The following CLDN11 variants were observed in gnomAD, a reference collection of about 807,000 sequenced individuals.
The protein encoded by CLDN11 is claudin-11.
CLDN11 carries 1 observed loss-of-function variant against 18.0 expected under a neutral mutation model. That is an observed-to-expected ratio of 0.06 (90% CI 0.02 to 0.26). The LOEUF (loss-of-function observed/expected upper bound fraction) is 0.26, where lower values mean the gene tolerates loss of function less well. CLDN11 is among the 10% of genes least tolerant of loss of function. The pLI, the probability that CLDN11 is intolerant of heterozygous loss-of-function variation, is 1.00. For synonymous variants in CLDN11, 116 were observed against 121.5 expected, an observed-to-expected ratio of 0.96 and a Z score of 0.30; for missense variants, 172 against 276.6, an observed-to-expected ratio of 0.62 and a Z score of 2.68.
chr3:170,425,072 G>A (rs945345114), intron 2 of CLDN11, among the ~76,000 whole-genome samples: 3 of 152,134 alleles, frequency 2.0e-5, no homozygotes, highest in Admixed American at 2.0e-4. Context: ...ATCAGCATCC[G>A]GTGCTTTATC....
chr3:170,427,238 AT>A (rs1168406934), intron 2 of CLDN11, among the ~76,000 whole-genome samples: 3 of 152,162 alleles, frequency 2.0e-5, no homozygotes, highest in Non-Finnish European at 2.9e-5. Context: ...ATCAAGAAAG[AT>A]TTTTTTCGCT....
intron 2 of CLDN11, among the ~76,000 whole-genome samples, chr3:170,431,557 T>C (rs1739003527): frequency 6.6e-6 from 1 of 152,214 alleles, no homozygotes; most frequent in Non-Finnish European, 1.5e-5. Flanking sequence ...TGGTCCCACA[T>C]AACTTGTGGC....
rs930040558 is a variant in CLDN11 at position 170,434,464 on chromosome 3, G to A, written c.*1708G>A. Among the ~76,000 whole-genome samples the A allele has an allele frequency of 1.3e-5, 2 of 152,172 alleles. No homozygotes were observed. The highest frequency in any genetic ancestry group is 2.4e-5 in the African/African-American group (1 of 41,450). ...GGCTAGGTATAAAAAGAGAATTAACGAAACCTATTTTATTGGATCTTTAAG... is the reference window on the plus strand; with the variant it reads ...GGCTAGGTATAAAAAGAGAATTAACAAAACCTATTTTATTGGATCTTTAAG... On this transcript the variant is annotated 3_prime_UTR_variant, in exon 3 of 3. Coordinates refer to ENST00000064724, the MANE Select transcript of CLDN11 (RefSeq NM_005602.6).
In CLDN11 at chr3:170,432,753, A is replaced by G. The variant is rs1403330856; in HGVS notation, c.621A>G (p.Val207=). The G allele has an allele frequency of 6.2e-7, 1 of 1,614,180 alleles. No individual in the cohort carries two copies. The highest frequency in any genetic ancestry group is 1.3e-5 in the African/African-American group (1 of 75,056). Residue 207 remains valine (V), a synonymous_variant, in exon 3 of 3, where the codon GTA becomes GTG. Coordinates refer to ENST00000064724, the MANE Select transcript of CLDN11 (RefSeq NM_005602.6). ...SSPTHAKSAH[V] ...CGACTCATGCGAAGAGTGCCCACGT[A>G]TAAGAGGGCTGCCCGGCTGCCCACA...
At chr3:170,427,160 T>A (rs991839429) in intron 2 of CLDN11, among the ~76,000 whole-genome samples, 4 of 152,324 alleles carry the variant, frequency 2.6e-5, no homozygotes, top group Non-Finnish European at 4.4e-5. Flanking sequence ...CTGTAATATA[T>A]GCTTCATCTT....
chr3:170,426,755 A>G (rs1560234769), intron 2 of CLDN11, among the ~76,000 whole-genome samples: 1 of 152,178 alleles, frequency 6.6e-6, no homozygotes, highest in Non-Finnish European at 1.5e-5. Flanking sequence ...GCAGCTGGGT[A>G]TTCTTCCAAT....
chr3:170,433,512 G>A lies in CLDN11; in HGVS notation c.*756G>A, dbSNP rs1739064262. 6.6e-6 allele frequency: 1 copy of A among 152,356 alleles called. No individual in the cohort carries two copies. Among genetic ancestry groups the A allele is most frequent in the African/African-American group, 2.4e-5 (1 of 41,384 alleles). 9.4% of individuals were successfully genotyped at this position (152,356 alleles called of 1,614,324 possible). On this transcript the variant is annotated 3_prime_UTR_variant, in exon 3 of 3. Coordinates refer to ENST00000064724, the MANE Select transcript of CLDN11 (RefSeq NM_005602.6). ...ATGGCTTTTGTTTCTTCCCTTCAAG[G>A]TCATTTACTTGTACGAGACAGAAAA... is the stretch of plus-strand genomic sequence containing the variant.
Position 170,434,078 on chromosome 3 carries a change from A to C in CLDN11, c.*1322A>C, listed in dbSNP as rs1739076015. On this transcript the variant is annotated 3_prime_UTR_variant, in exon 3 of 3. Transcript: ENST00000064724. The stretch of plus-strand genomic sequence containing the variant: ...TTCTTGAAGTGAAATCTGTGCAATA[A>C]AATAACAGACTGTCTGCAAAACTGG... The C allele has an allele frequency of 6.6e-6, 1 of 152,634 alleles. No homozygotes were observed. The highest frequency in any genetic ancestry group is 1.5e-5 in the Non-Finnish European group (1 of 68,038). The allele number at this position is 152,634 out of a possible 1,614,324, so 9.5% of individuals were successfully genotyped here.
At position 170,432,801 on chromosome 3, in the gene CLDN11, C is replaced by T. The variant is rs1470201232; in HGVS notation, c.*45C>T. 1.9e-6 allele frequency: 3 copies of T among 1,577,708 alleles called. No homozygotes were observed. In the East Asian group the frequency reaches 6.7e-5, roughly 35 times the overall value. ...ACAGAGGTGCTGTAGATGCTGGGCC[C>T]AGGGCCCTAGGTTTGCTCGTCACAG... On this transcript the variant is annotated 3_prime_UTR_variant, in exon 3 of 3. Transcript: ENST00000064724.
intron 2 of CLDN11, among the ~76,000 whole-genome samples, chr3:170,424,167 A>G (rs567088087): frequency 2.6e-5 from 4 of 152,230 alleles, no homozygotes; most frequent in Non-Finnish European, 5.9e-5. Flanking sequence ...TTCCTTGAGC[A>G]TGTGGGCCAG....
In CLDN11 at chr3:170,432,586, G is replaced by A. The variant is rs377105856; in HGVS notation, c.454G>A (p.Val152Met). 5 of 1,614,148 alleles carry A rather than the reference G, an allele frequency of 3.1e-6. No homozygotes were observed. The highest frequency in any genetic ancestry group is 1.6e-4 in the Middle Eastern group (1 of 6,062). ...GTGCGCCCACCGTGAGACCACCATC[G>A]TGAGCTTTGGCTACTCCCTGTATGC... ...PVCAHRETTI[V>M]SFGYSLYAGW... Residue 152 changes from valine to methionine, a missense_variant, in exon 3 of 3, where the codon GTG (valine) becomes ATG (methionine). Physicochemically the swap from Val to Met is conservative, Grantham distance 21. Transcript: ENST00000064724.
chr3:170,424,039 GA>G (rs1560234112), intron 2 of CLDN11, among the ~76,000 whole-genome samples: 1 of 88,682 alleles, frequency 1.1e-5, no homozygotes, highest in Non-Finnish European at 2.2e-5. Context: ...AAAAAAAAAA[GA>G]AAAAGAAAAA....
rs370405833 is a variant in CLDN11 at position 170,419,282 on chromosome 3, C to T, written c.216C>T (p.Leu72=). 6.4e-7 allele frequency: 1 copy of T among 1,558,798 alleles called. No homozygotes were observed. The highest frequency in any genetic ancestry group is 8.7e-7 in the Non-Finnish European group (1 of 1,150,008). ...ACTGCAAGCCCCTGGTGGACATCCT[C>T]ATCCTGCCGGGTAAGGACCCGAGCT... ...LYHCKPLVDI[L]ILPGYVQACR... Residue 72 remains leucine, a synonymous_variant, in exon 1 of 3, where the codon CTC becomes CTT. Coordinates refer to ENST00000064724, the MANE Select transcript of CLDN11 (RefSeq NM_005602.6). The surrounding 1 kb of genome is among the most constrained non-coding windows in gnomAD (Gnocchi z 8.6).
intron 2 of CLDN11, among the ~76,000 whole-genome samples, chr3:170,426,805 G>A (rs867542134): frequency 6.6e-6 from 1 of 151,908 alleles, no homozygotes; most frequent in African/African-American, 2.4e-5. Flanking sequence ...TTTTTGAGAC[G>A]GACCTTTGCT....
chr3:170,428,639 A>G (rs1031798967), intron 2 of CLDN11, among the ~76,000 whole-genome samples: 2 of 151,684 alleles, frequency 1.3e-5, no homozygotes, highest in African/African-American at 4.8e-5. Flanking sequence ...CCTCCTTCTC[A>G]TTTTTAGCTA....
At chr3:170,420,983 C>T (rs1440873429) in intron 1 of CLDN11, among the ~76,000 whole-genome samples, 1 of 152,128 alleles carries the variant, frequency 6.6e-6, no homozygotes, top group Non-Finnish European at 1.5e-5. Flanking sequence ...ATGAATGGTA[C>T]CTATAGTATT....
chr3:170,428,208 T>G (rs1468406451), intron 2 of CLDN11, among the ~76,000 whole-genome samples: 1 of 152,062 alleles, frequency 6.6e-6, no homozygotes, highest in Non-Finnish European at 1.5e-5. Flanking sequence ...CTTGTCTTTC[T>G]CTGCCTCTTT....
chr3:170,427,796 G>A (rs1460451404), intron 2 of CLDN11, among the ~76,000 whole-genome samples: 2 of 132,486 alleles, frequency 1.5e-5, no homozygotes, highest in Non-Finnish European at 3.2e-5. Flanking sequence ...GCGACAGAGT[G>A]AGACTGTCTC....
chr3:170,423,983 C>G (rs116016760), intron 2 of CLDN11, among the ~76,000 whole-genome samples: 1 of 140,208 alleles, frequency 7.1e-6, no homozygotes. Context: ...GAGCTGAGAT[C>G]ACGCTACTGC....
Sources: allele counts gnomAD v4.1 joint callset (sites outside exome capture counted in the v4.1 genomes callset), GRCh38; gene constraint gnomAD v4.1.1; non-coding constraint Gnocchi (gnomAD v3.1); transcripts MANE v1.5; gene names NCBI Gene and HGNC (gene_info 2026-07-23, HGNC 2026-07-21).